The following OTUD7A variants were observed in gnomAD, a reference collection of about 807,000 sequenced individuals.
OTUD7A encodes the protein OTU deubiquitinase 7A.
Under a neutral mutation model 65.7 loss-of-function variants are expected in OTUD7A, and 12 were observed. The observed-to-expected ratio is 0.18, with a 90% CI of 0.12 to 0.30. The LOEUF is 0.30. OTUD7A is among the 10% of genes least tolerant of loss of function. The pLI is 1.00. For missense variants in OTUD7A, 1,148 were observed against 1,304.8 expected (o/e 0.88, Z 1.85); for synonymous variants, 641 against 586.3 (o/e 1.09, Z -1.35).
chr15:31,483,513 G>T lies in OTUD7A; in HGVS notation c.2583C>A (p.Gly861=). Residue 861 remains glycine (G), a synonymous_variant, in exon 13 of 13, where the codon GGC becomes GGA. Coordinates refer to ENST00000307050, the MANE Select transcript of OTUD7A (RefSeq NM_001382637.1). ...AEHKSQTYTN[G]FGALRDGLEF... Reference sequence around the variant, plus strand: ...CCAGGCCGTCGCGCAGGGCGCCGAAGCCGTTGGTGTAGGTCTGCGACTTGT... The same window carrying T: ...CCAGGCCGTCGCGCAGGGCGCCGAATCCGTTGGTGTAGGTCTGCGACTTGT... 1 of 1,395,986 alleles carries T rather than the reference G, an allele frequency of 7.2e-7. No homozygotes were observed. The highest frequency in any genetic ancestry group is 1.5e-5 in the African/African-American group (1 of 65,418). The allele number at this position is 1,395,986 out of a possible 1,614,324, so 86.5% of individuals were successfully genotyped here.
chr15:31,815,779 G>A (rs957462744), intron 1 of OTUD7A, among the ~76,000 whole-genome samples: 4 of 152,230 alleles, frequency 2.6e-5, no homozygotes, highest in Admixed American at 1.3e-4. Flanking sequence ...AAGTTGTGTC[G>A]TGACACATAA....
chr15:31,487,691 C>T lies in OTUD7A; in HGVS notation c.1172-125G>A, dbSNP rs1430757467. 2.8e-6 allele frequency: 2 copies of T among 702,726 alleles called. No individual in the cohort carries two copies. The highest frequency in any genetic ancestry group is 4.7e-6 in the Non-Finnish European group (2 of 428,094). 43.5% of individuals were successfully genotyped at this position (702,726 alleles called of 1,614,324 possible). On this transcript the variant is annotated intron_variant, in intron 10 of 12. Coordinates refer to ENST00000307050, the MANE Select transcript of OTUD7A (RefSeq NM_001382637.1). This position sits in a 1 kb window ranked among gnomAD's most constrained non-coding sequence, Gnocchi z 6.0. ...GAGTGGACATCTACACAGATCTGTG[C>T]CAGCAGGAGCATGAAGACCAAAACC...
chr15:31,644,404 A>G (rs1040591220), intron 3 of OTUD7A, among the ~76,000 whole-genome samples: 1 of 151,962 alleles, frequency 6.6e-6, no homozygotes, highest in African/African-American at 2.4e-5. Context: ...TCAGGCAATG[A>G]GGCCATTTCA....
intron 5 of OTUD7A, among the ~76,000 whole-genome samples, chr15:31,536,756 T>C (rs951973945): frequency 1.3e-5 from 2 of 152,158 alleles, no homozygotes; most frequent in Middle Eastern, 3.2e-3. Context: ...ACAAATATTG[T>C]ATGTTCTGAA....
chr15:31,776,147 G>C (rs1895373598), intron 1 of OTUD7A, among the ~76,000 whole-genome samples: 1 of 152,174 alleles, frequency 6.6e-6, no homozygotes, highest in African/African-American at 2.4e-5. Flanking sequence ...GCTTCGGGCT[G>C]CCCCTGACAG....
intron 1 of OTUD7A, among the ~76,000 whole-genome samples, chr15:31,727,681 C>G (rs567099008): frequency 6.6e-6 from 1 of 152,304 alleles, no homozygotes; most frequent in South Asian, 2.1e-4. Context: ...TTGCTAAGAT[C>G]CATGGGATGG....
At chr15:31,647,052 G>T (rs1269015576) in intron 3 of OTUD7A, among the ~76,000 whole-genome samples, 8 of 151,914 alleles carry the variant, frequency 5.3e-5, no homozygotes, top group Non-Finnish European at 1.2e-4. Context: ...TATTTTTTTT[G>T]ACATTTTTTC....
At chr15:31,839,854 A>G (rs1198015304) in intron 1 of OTUD7A, among the ~76,000 whole-genome samples, 1 of 152,190 alleles carries the variant, frequency 6.6e-6, no homozygotes, top group East Asian at 1.9e-4. Context: ...AACATTAAAC[A>G]TCTTGTAATA....
intron 3 of OTUD7A, among the ~76,000 whole-genome samples, chr15:31,572,700 G>A (rs1363075698): frequency 1.3e-5 from 2 of 152,160 alleles, no homozygotes; most frequent in African/African-American, 4.8e-5. Flanking sequence ...ACAGGAGGAG[G>A]TGAAACAGAA....
intron 1 of OTUD7A, among the ~76,000 whole-genome samples, chr15:31,709,868 G>A (rs1319423406): frequency 6.6e-6 from 1 of 152,044 alleles, no homozygotes; most frequent in East Asian, 1.9e-4. Context: ...TGTGTATCTG[G>A]GAATGCTTCC....
At chr15:31,535,916 G>A (rs1029465427) in intron 5 of OTUD7A, among the ~76,000 whole-genome samples, 2 of 151,908 alleles carry the variant, frequency 1.3e-5, no homozygotes, top group Non-Finnish European at 2.9e-5. Flanking sequence ...TCCTGACCTC[G>A]TGATCCGCCC....
intron 1 of OTUD7A, among the ~76,000 whole-genome samples, chr15:31,739,148 C>G (rs1165479486): frequency 4.6e-5 from 7 of 152,178 alleles, no homozygotes; most frequent in Non-Finnish European, 8.8e-5. Flanking sequence ...TGCCACTCAT[C>G]TTGGATCAAA....
chr15:31,767,002 T>C, intron 1 of OTUD7A: 1 of 1,611,232 alleles, frequency 6.2e-7, no homozygotes. Flanking sequence ...TCCCATTATG[T>C]CATTAGCACT....
intron 1 of OTUD7A, among the ~76,000 whole-genome samples, chr15:31,827,200 A>G (rs1595796657): frequency 1.3e-5 from 2 of 152,238 alleles, no homozygotes; most frequent in African/African-American, 2.4e-5. Flanking sequence ...GGCAGTTTAC[A>G]AAAGAAAGAA....
At chr15:31,806,632 A>G (rs1445880495) in intron 1 of OTUD7A, among the ~76,000 whole-genome samples, 1 of 152,198 alleles carries the variant, frequency 6.6e-6, no homozygotes, top group Non-Finnish European at 1.5e-5. Context: ...TGATCATCCC[A>G]TCCTTCAGCC....
intron 3 of OTUD7A, among the ~76,000 whole-genome samples, chr15:31,611,001 A>G (rs975440316): frequency 1.3e-5 from 2 of 152,214 alleles, no homozygotes; most frequent in African/African-American, 4.8e-5. Flanking sequence ...TCCAAAAGGA[A>G]CCTTCAAAAC....
rs144663696 is a variant in OTUD7A, at chr15:31,739,276, T to C, written c.-99-82199A>G. Among the ~76,000 whole-genome samples the C allele has an allele frequency of 4.9e-4, 74 of 152,296 alleles. No homozygotes were observed. In the East Asian group the frequency reaches 0.012, roughly 25 times the overall value. On this transcript the variant is annotated intron_variant, in intron 1 of 12. Transcript: ENST00000307050. ...TGAATGCAATTTGAGGTTCCATGTC[T>C]ACTAGTCGCCTGATGTCATCCAGTC...
chr15:31,517,799 C>T (rs957136193), intron 8 of OTUD7A, among the ~76,000 whole-genome samples: 18 of 152,162 alleles, frequency 1.2e-4, no homozygotes, highest in African/African-American at 3.6e-4. Flanking sequence ...GAGCAAGGTC[C>T]AGATGGTATC....
chr15:31,854,993 G>A (rs1381354625), intron 1 of OTUD7A, among the ~76,000 whole-genome samples: 1 of 151,970 alleles, frequency 6.6e-6, no homozygotes, highest in Non-Finnish European at 1.5e-5. Flanking sequence ...CAAATGAAAT[G>A]GAGAAGAATA....
Sources: gnomAD v4.1 joint callset for allele counts (sites outside exome capture counted in the v4.1 genomes callset) on GRCh38, gnomAD v4.1.1 for gene constraint, Gnocchi (gnomAD v3.1) non-coding constraint, MANE v1.5 for transcripts, NCBI Gene and HGNC (gene_info 2026-07-23, HGNC 2026-07-21) for gene names.